Variants in ARHGAP6 observed in about 807,000 individuals in gnomAD.
The protein encoded by ARHGAP6 is Rho GTPase activating protein 6.
Under a neutral mutation model 55.7 loss-of-function variants are expected in ARHGAP6, and 16 were observed. The ratio of observed to expected loss-of-function variants is 0.29; its 90% CI spans 0.19 to 0.44. The LOEUF (loss-of-function observed/expected upper bound fraction) is 0.44, where lower values mean the gene tolerates loss of function less well. Ranked by LOEUF, ARHGAP6 falls within the 20% of genes least tolerant of loss-of-function variation. The probability of loss-of-function intolerance (pLI) is 1.00; values close to 1 mark genes in which losing one functional copy is unlikely to be tolerated. For missense variants in ARHGAP6, 698 were observed against 808.9 expected, an observed-to-expected ratio of 0.86 and a Z score of 1.66; for synonymous variants, 382 against 360.9, an observed-to-expected ratio of 1.06 and a Z score of -0.66.
chrX:11,658,461 T>C (rs1047390503), intron 1 of ARHGAP6, among the ~76,000 whole-genome samples: 2 of 111,310 alleles, frequency 1.8e-5, no homozygotes, highest in Non-Finnish European at 3.8e-5. Flanking sequence ...AAAACACTTT[T>C]TGTCAATTTC....
intron 1 of ARHGAP6, among the ~76,000 whole-genome samples, chrX:11,371,798 T>C (rs950215206): frequency 6.2e-5 from 7 of 112,424 alleles, no homozygotes; most frequent in Non-Finnish European, 1.1e-4. Flanking sequence ...CTTGAGCTCA[T>C]GCTCATATCC....
rs1602907117 is a variant in ARHGAP6, at chrX:11,224,449, G to A, written c.749-27453C>T. On this transcript the variant is annotated intron_variant, in intron 2 of 12. Transcript: ENST00000337414. ...GGAAGAGAGCATGAACCCAGAGAGC[G>A]GGGCCCATTAGTGGACTCATGGACT... 5 of 443,885 alleles carry A rather than the reference G, an allele frequency of 1.1e-5. No homozygotes were observed. In the Admixed American group the frequency reaches 1.8e-4, roughly 16 times the overall value. The allele number at this position is 443,885 out of a possible 1,213,427, so 36.6% of individuals were successfully genotyped here.
At chrX:11,554,230 G>C (rs996796974) in intron 1 of ARHGAP6, among the ~76,000 whole-genome samples, 2 of 111,788 alleles carry the variant, frequency 1.8e-5, no homozygotes, top group African/African-American at 3.3e-5. Context: ...CTCACATGTG[G>C]GAGCTTAGAA....
At chrX:11,631,427 G>A (rs2052360283) in intron 1 of ARHGAP6, among the ~76,000 whole-genome samples, 1 of 110,141 alleles carries the variant, frequency 9.1e-6, no homozygotes, top group South Asian at 4.0e-4. Context: ...TGGGAGGCCA[G>A]AGGTAGGAGA....
intron 1 of ARHGAP6, among the ~76,000 whole-genome samples, chrX:11,413,176 C>T (rs1011829829): frequency 2.7e-5 from 3 of 112,431 alleles, no homozygotes; most frequent in African/African-American, 6.5e-5. Context: ...CAGGTTCATC[C>T]TCCTGCACAG....
chrX:11,224,642 C>T lies in ARHGAP6; in HGVS notation c.749-27646G>A, dbSNP rs372436300. Among the ~76,000 whole-genome samples the T allele has an allele frequency of 6.5e-5, 7 of 107,663 alleles. No homozygotes were observed. The East Asian group carries it at 8.6e-4, about 13-fold the overall frequency. 93.5% of individuals were successfully genotyped at this position (107,663 alleles called of 115,157 possible). ...GCACATTGATAGAGGGAGAGTTGGG[C>T]AGGGCATATATGTTGGTGGAGGGGG... On this transcript the variant is annotated intron_variant, in intron 2 of 12. Transcript: ENST00000337414.
chrX:11,145,702 T>G (rs1381718862), intron 10 of ARHGAP6, among the ~76,000 whole-genome samples: 1 of 112,362 alleles, frequency 8.9e-6, no homozygotes, highest in East Asian at 2.8e-4. Context: ...CTACACCATT[T>G]GTGGAGCCCA....
rs993855165 is a variant in ARHGAP6 at position 11,350,022 on chromosome X, T to C, written c.589-95315A>G. Reference sequence around the variant, plus strand: ...TTACAAGGTGGTTGTGAGGGTAAAATAAAACGTAAGGAAACCCAGAAAAAG... The same window carrying C: ...TTACAAGGTGGTTGTGAGGGTAAAACAAAACGTAAGGAAACCCAGAAAAAG... On this transcript the variant is annotated intron_variant, in intron 1 of 12. Coordinates refer to ENST00000337414, the MANE Select transcript of ARHGAP6 (RefSeq NM_013427.3). Among the ~76,000 whole-genome samples, 9 of 111,688 alleles carry C rather than the reference T, an allele frequency of 8.1e-5. No individual in the cohort carries two copies. In the Admixed American group the frequency reaches 8.6e-4, roughly 11 times the overall value.
intron 1 of ARHGAP6, among the ~76,000 whole-genome samples, chrX:11,504,493 G>A (rs185709854): frequency 8.9e-6 from 1 of 111,735 alleles, no homozygotes; most frequent in Non-Finnish European, 1.9e-5. Flanking sequence ...AATTACCCCC[G>A]TTAAGAATCC....
chrX:11,373,132 T>C (rs866394439), intron 1 of ARHGAP6, among the ~76,000 whole-genome samples: 2 of 108,589 alleles, frequency 1.8e-5, no homozygotes, highest in African/African-American at 6.7e-5. Context: ...TATATATATA[T>C]ACTTTTAAAA....
rs767639041 is a variant in ARHGAP6, at chrX:11,139,086, G to A, written c.2702C>T (p.Pro901Leu). 1.0e-5 allele frequency: 12 copies of A among 1,200,317 alleles called. No individual in the cohort carries two copies. In the African/African-American group the frequency reaches 1.7e-4, roughly 17 times the overall value. ...GTCCGTGGGTGTCTCCACGCCTTCC[G>A]GGGGCCCCTGGATCCAGGCTGCCGC... ...AAAAAWIQGP[P>L]EGVETPTDQG... The change falls in exon 13 of 13, where the codon CCG becomes CTG. Residue 901 changes from proline (P) to leucine (L), a missense_variant. Transcript: ENST00000337414.
intron 8 of ARHGAP6, among the ~76,000 whole-genome samples, chrX:11,174,569 CCTTCCTTT>C (rs55746510): frequency 2.4e-3 from 140 of 59,078 alleles, no homozygotes; most frequent in Middle Eastern, 9.5e-3. Context: ...TTCCTTCCTT[CCTTCCTTT>C]CTTTCTTTCT....
intron 1 of ARHGAP6, among the ~76,000 whole-genome samples, chrX:11,297,320 C>T (rs940301693): frequency 4.5e-5 from 5 of 111,826 alleles, no homozygotes; most frequent in African/African-American, 6.5e-5. Context: ...GAGTTTTGGA[C>T]GTCGGGTTTG....
chrX:11,490,275 T>C (rs1405398526), intron 1 of ARHGAP6, among the ~76,000 whole-genome samples: 2 of 111,741 alleles, frequency 1.8e-5, no homozygotes, highest in Admixed American at 1.9e-4. Context: ...AGTTGCCATG[T>C]TGAGAGGTCT....
At chrX:11,517,260 C>T (rs1451736842) in intron 1 of ARHGAP6, among the ~76,000 whole-genome samples, 1 of 111,524 alleles carries the variant, frequency 9.0e-6, no homozygotes, top group Admixed American at 9.6e-5. Flanking sequence ...TAAGCTTAGG[C>T]TAGGAACTGG....
intron 7 of ARHGAP6, 64 bp downstream of exon 7, chrX:11,179,238 G>A: frequency 9.6e-7 from 1 of 1,039,003 alleles, no homozygotes; most frequent in Non-Finnish European, 1.3e-6. Flanking sequence ...ATAAAGTTAT[G>A]ATGAATGAGT....
At chrX:11,326,410 G>A (rs1441564047) in intron 1 of ARHGAP6, among the ~76,000 whole-genome samples, 2 of 111,275 alleles carry the variant, frequency 1.8e-5, no homozygotes, top group African/African-American at 3.3e-5. Context: ...TTACAGGCGT[G>A]AGCCATCGCG....
At chrX:11,346,753 A>AAGAAAGAAAGAAAGAAAGAG (rs1569308827) in intron 1 of ARHGAP6, among the ~76,000 whole-genome samples, 2 of 110,551 alleles carry the variant, frequency 1.8e-5, no homozygotes, top group Non-Finnish European at 3.8e-5. Context: ...GAAAGAAAGA[A>AAGAAAGAAAGAAAGAAAGAG]AGAGAGAAAG....
At chrX:11,460,026 C>T (rs1336782235) in intron 1 of ARHGAP6, among the ~76,000 whole-genome samples, 1 of 111,927 alleles carries the variant, frequency 8.9e-6, no homozygotes, top group Non-Finnish European at 1.9e-5. Context: ...TGGTATAACC[C>T]CTTCCCATGT....
Sources: allele counts gnomAD v4.1 joint callset (sites outside exome capture counted in the v4.1 genomes callset), GRCh38; gene constraint gnomAD v4.1.1; transcripts MANE v1.5; gene names NCBI Gene and HGNC (gene_info 2026-07-23, HGNC 2026-07-21).